Variants in ERC2 observed in about 807,000 individuals in gnomAD.
The protein encoded by ERC2 is ERC protein 2.
ERC2 carries 42 observed loss-of-function variants against 114.8 expected under a neutral mutation model. The observed-to-expected ratio is 0.37, with a 90% confidence interval of 0.29 to 0.47. The LOEUF (loss-of-function observed/expected upper bound fraction) is 0.47. Ranked by LOEUF, ERC2 falls within the 20% of genes least tolerant of loss-of-function variation. The probability of loss-of-function intolerance (pLI) is 0.99; values close to 1 mark genes in which losing one functional copy is unlikely to be tolerated. For synonymous variants in ERC2, 454 were observed against 425.5 expected (o/e 1.07, Z -0.82); for missense variants, 939 against 1,150.7 (o/e 0.82, Z 2.66).
At chr3:56,117,253 T>TA (rs2079290553) in intron 6 of ERC2, among the ~76,000 whole-genome samples, 1 of 152,232 alleles carries the variant, frequency 6.6e-6, no homozygotes, top group South Asian at 2.1e-4. Flanking sequence ...GTCACTAGAC[T>TA]GAATAAATAA....
chr3:56,429,128 T>C (rs1333880755), intron 2 of ERC2, among the ~76,000 whole-genome samples: 2 of 152,198 alleles, frequency 1.3e-5, no homozygotes, highest in Non-Finnish European at 2.9e-5. Flanking sequence ...CTTAAAAAGA[T>C]GTATTCACTC....
intron 14 of ERC2, among the ~76,000 whole-genome samples, chr3:55,766,273 GAAA>G (rs35962584): frequency 1.1e-5 from 1 of 95,132 alleles, no homozygotes. Context: ...CTCTCCACAA[GAAA>G]AAAAAAAAAA....
intron 3 of ERC2, among the ~76,000 whole-genome samples, chr3:56,245,383 T>C (rs1261307224): frequency 6.6e-6 from 1 of 151,946 alleles, no homozygotes; most frequent in East Asian, 1.9e-4. Flanking sequence ...GGGCCCAGTA[T>C]ATGTCAGTAC....
At chr3:55,915,449 T>C (rs184567696) in intron 13 of ERC2, among the ~76,000 whole-genome samples, 5 of 152,318 alleles carry the variant, frequency 3.3e-5, no homozygotes, top group African/African-American at 4.8e-5. Context: ...TAATTTATAA[T>C]ACACCTTGGT....
intron 17 of ERC2, among the ~76,000 whole-genome samples, chr3:55,572,373 T>C (rs568853920): frequency 2.6e-5 from 4 of 152,210 alleles, no homozygotes; most frequent in African/African-American, 9.6e-5. Flanking sequence ...GGAACACCCT[T>C]CCTGGCGGTG....
At chr3:55,710,987 C>T (rs1219356468) in intron 15 of ERC2, among the ~76,000 whole-genome samples, 4 of 152,160 alleles carry the variant, frequency 2.6e-5, no homozygotes, top group South Asian at 2.1e-4. Context: ...TGCCCCTGGC[C>T]GTCTTCTCAT....
At chr3:55,869,003 T>C (rs2062447923) in intron 14 of ERC2, among the ~76,000 whole-genome samples, 1 of 152,214 alleles carries the variant, frequency 6.6e-6, no homozygotes, top group Non-Finnish European at 1.5e-5. Context: ...ATCTTATTTT[T>C]TTCTAAATCC....
intron 2 of ERC2, among the ~76,000 whole-genome samples, chr3:56,381,950 C>T (rs1353244528): frequency 6.6e-6 from 1 of 152,120 alleles, no homozygotes; most frequent in Non-Finnish European, 1.5e-5. Context: ...GATAGCTTCC[C>T]TTTCCTGACT....
chr3:56,044,478 G>T (rs943953047), intron 7 of ERC2, among the ~76,000 whole-genome samples: 1 of 151,918 alleles, frequency 6.6e-6, no homozygotes, highest in Non-Finnish European at 1.5e-5. Context: ...AAAATGAAGA[G>T]ATTTATTTCC....
In ERC2 at chr3:56,080,885, C is replaced by T. The variant is rs768258506; in HGVS notation, c.1573G>A (p.Gly525Ser). ...DLTEEKGTLA[G>S]EIRDMKDMLE... The stretch of plus-strand genomic sequence containing the variant: ...ATATCTTTCATGTCACGAATTTCAC[C>T]GGCCAGTGTCCCCTTCTCTTCTGTG... The change falls in exon 7 of 18, where the codon GGT becomes AGT. Residue 525 changes from glycine to serine, a missense_variant. By Grantham distance (56) the Gly-to-Ser change is moderately conservative (BLOSUM62 0). Transcript: ENST00000288221. 1.7e-5 allele frequency: 28 copies of T among 1,613,660 alleles called. No individual in the cohort carries two copies. The highest frequency in any genetic ancestry group is 5.0e-5 in the Admixed American group (3 of 59,978).
intron 14 of ERC2, among the ~76,000 whole-genome samples, chr3:55,835,553 T>C (rs932121043): frequency 2.6e-4 from 40 of 152,080 alleles, no homozygotes; most frequent in African/African-American, 8.5e-4. Flanking sequence ...AATTCAACAA[T>C]GCTTCATGCT....
intron 9 of ERC2, 45 bp downstream of exon 9, chr3:56,010,404 T>C (rs763312750): frequency 6.3e-7 from 1 of 1,597,966 alleles, no homozygotes; most frequent in Non-Finnish European, 8.5e-7. Flanking sequence ...TGAATATGGG[T>C]TTATGAGGAC....
chr3:56,025,828 C>T (rs976656153), intron 7 of ERC2, among the ~76,000 whole-genome samples: 17 of 152,096 alleles, frequency 1.1e-4, no homozygotes, highest in Non-Finnish European at 1.5e-5. Flanking sequence ...TAGAATTCTG[C>T]TTATTATACC....
intron 3 of ERC2, among the ~76,000 whole-genome samples, chr3:56,236,501 G>A (rs765551117): frequency 1.3e-5 from 2 of 152,150 alleles, no homozygotes; most frequent in African/African-American, 4.8e-5. Context: ...CTTATTTGTA[G>A]AGGAGGGCAT....
At chr3:55,573,502 A>G (rs1285978332) in intron 17 of ERC2, among the ~76,000 whole-genome samples, 1 of 152,208 alleles carries the variant, frequency 6.6e-6, no homozygotes, top group Non-Finnish European at 1.5e-5. Flanking sequence ...CTGCAGCAGC[A>G]GCACCAAGAG....
chr3:56,386,458 C>T (rs943216394), intron 2 of ERC2, among the ~76,000 whole-genome samples: 3 of 152,138 alleles, frequency 2.0e-5, no homozygotes, highest in African/African-American at 4.8e-5. Flanking sequence ...CCAACCTGGG[C>T]GATCCTCCAA....
At chr3:55,909,725 G>A (rs13097725) in intron 13 of ERC2, among the ~76,000 whole-genome samples, 87,782 of 151,864 alleles carry the variant, frequency 0.58, 26,642 homozygotes, top group Non-Finnish European at 0.65. Context: ...AATCACTCTG[G>A]GCAAATTAAG....
At chr3:56,045,996 C>T (rs2075436321) in intron 7 of ERC2, among the ~76,000 whole-genome samples, 1 of 152,074 alleles carries the variant, frequency 6.6e-6, no homozygotes, top group South Asian at 2.1e-4. Flanking sequence ...ATCTGAATAC[C>T]TGATAATGCA....
intron 17 of ERC2, among the ~76,000 whole-genome samples, chr3:55,600,643 C>A (rs1464257453): frequency 8.5e-5 from 13 of 152,214 alleles, no homozygotes; most frequent in Admixed American, 8.5e-4. Context: ...CAGTATATGA[C>A]AGTGGCTTGT....
Sources: gnomAD v4.1 joint callset for allele counts (sites outside exome capture counted in the v4.1 genomes callset) on GRCh38, gnomAD v4.1.1 for gene constraint, MANE v1.5 for transcripts, NCBI Gene and HGNC (gene_info 2026-07-23, HGNC 2026-07-21) for gene names.